AKT3: variants seen among roughly 807,000 people sequenced by gnomAD.
AKT3 encodes the protein RAC-gamma serine/threonine-protein kinase.
Under a neutral mutation model 65.3 loss-of-function variants are expected in AKT3, and 15 were observed. That is an observed-to-expected ratio of 0.23 (90% CI 0.15 to 0.35). The LOEUF is 0.35. Among genes scored for constraint, AKT3 ranks in the 10% least tolerant of loss-of-function variants. AKT3 has a pLI of 1.00. For missense variants in AKT3, 243 were observed against 576.5 expected, an observed-to-expected ratio of 0.42 and a Z score of 5.92; for synonymous variants, 206 against 183.8, an observed-to-expected ratio of 1.12 and a Z score of -0.98.
rs181609488 is a variant in AKT3 at position 243,642,499 on chromosome 1, C to T, written c.429+3394G>A. On this transcript the variant is annotated intron_variant, in intron 5 of 13. Coordinates refer to ENST00000673466, the MANE Select transcript of AKT3 (RefSeq NM_005465.7). ...TAATTTTTTGTATTTTTAGTAGAGA[C>T]GGGGTTTCACCGTGTTAGCCAGGAT... Among the ~76,000 whole-genome samples the T allele has an allele frequency of 5.9e-3, 891 of 152,152 alleles. 5 individuals carry two copies. Among genetic ancestry groups the T allele is most frequent in the East Asian group, 7.5e-3 (39 of 5,168 alleles).
At chr1:243,708,629 TG>T (rs1249438320) in intron 2 of AKT3, among the ~76,000 whole-genome samples, 2 of 152,002 alleles carry the variant, frequency 1.3e-5, no homozygotes, top group African/African-American at 4.8e-5. Flanking sequence ...GGAAAATGCA[TG>T]GAATCATCAG....
At position 243,502,676 on chromosome 1, in the gene AKT3, T is replaced by C. The variant is rs139937615; in HGVS notation, c.*2573A>G. On this transcript the variant is annotated 3_prime_UTR_variant, in exon 14 of 14. Transcript: ENST00000673466. The stretch of plus-strand genomic sequence containing the variant: ...CAGCTGACAGATCTGGAAGTGAAAA[T>C]AGGGGATTCTCAAAATCAAAGCCAA... 845 of 233,126 alleles carry C rather than the reference T, an allele frequency of 3.6e-3. 8 individuals are homozygous for C. Among genetic ancestry groups the C allele is most frequent in the African/African-American group, 0.018 (797 of 45,416 alleles). 14.4% of individuals were successfully genotyped at this position (233,126 alleles called of 1,614,324 possible).
At chr1:243,762,755 T>A in intron 2 of AKT3, among the ~76,000 whole-genome samples, 1 of 152,072 alleles carries the variant, frequency 6.6e-6, no homozygotes, top group East Asian at 1.9e-4. Flanking sequence ...GTACTCACTG[T>A]TCCAGAAACA....
At chr1:243,606,797 G>GTGGGCC (rs1207379771) in intron 8 of AKT3, among the ~76,000 whole-genome samples, 4 of 152,232 alleles carry the variant, frequency 2.6e-5, no homozygotes, top group African/African-American at 9.6e-5. Flanking sequence ...AAACAGTTTT[G>GTGGGCC]TGGGCCAGGG....
At chr1:243,592,331 T>A in intron 8 of AKT3, among the ~76,000 whole-genome samples, 2 of 146,866 alleles carry the variant, frequency 1.4e-5, no homozygotes, top group African/African-American at 5.0e-5. Flanking sequence ...CGAGACTCCG[T>A]CTCAAAAAAA....
intron 12 of AKT3, among the ~76,000 whole-genome samples, chr1:243,530,174 T>C (rs1195193777): frequency 6.6e-6 from 1 of 152,220 alleles, no homozygotes; most frequent in Non-Finnish European, 1.5e-5. Flanking sequence ...TTATGTTAAT[T>C]TGTCAATTTT....
chr1:243,555,587 A>G (rs1444164419), intron 10 of AKT3, among the ~76,000 whole-genome samples: 5 of 152,130 alleles, frequency 3.3e-5, no homozygotes, highest in African/African-American at 4.8e-5. Context: ...TTTTAACTTA[A>G]GGATTGCAAA....
At chr1:243,800,720 GAAA>G (rs147831687) in intron 2 of AKT3, among the ~76,000 whole-genome samples, 1 of 140,302 alleles carries the variant, frequency 7.1e-6, no homozygotes, top group Non-Finnish European at 1.6e-5. Context: ...CAGTCTCGAG[GAAA>G]AAAAAAAAAG....
chr1:243,705,552 C>T (rs1433896542), intron 2 of AKT3, among the ~76,000 whole-genome samples: 2 of 152,076 alleles, frequency 1.3e-5, no homozygotes, highest in African/African-American at 4.8e-5. Context: ...TTCTCTTAAA[C>T]ACAATAACAT....
chr1:243,582,759 G>A (rs920493739), intron 8 of AKT3, among the ~76,000 whole-genome samples: 3 of 152,012 alleles, frequency 2.0e-5, no homozygotes, highest in African/African-American at 7.2e-5. Flanking sequence ...TCACATAACA[G>A]TATTAGCTTT....
At chr1:243,529,935 G>A (rs1295208207) in intron 12 of AKT3, among the ~76,000 whole-genome samples, 1 of 152,100 alleles carries the variant, frequency 6.6e-6, no homozygotes, top group Non-Finnish European at 1.5e-5. Context: ...CCATGAGCAT[G>A]GAATGTTTTT....
In AKT3 at chr1:243,757,766, CT is replaced by C. The variant is rs34770465; in HGVS notation, c.47-62051del. 5.9e-3 allele frequency among the ~76,000 whole-genome samples: 863 copies of C among 147,510 alleles called. 5 individuals are homozygous for C. The highest frequency in any genetic ancestry group is 0.016 in the African/African-American group (636 of 40,370). On this transcript the variant is annotated intron_variant, in intron 2 of 13. Transcript: ENST00000673466. ...TTGATACAGATTTATCTAATTAATA[CT>C]TTTTTTTTTTTCATATGGAATCTTG...
At chr1:243,577,632 G>A (rs568465120) in intron 8 of AKT3, among the ~76,000 whole-genome samples, 8 of 152,170 alleles carry the variant, frequency 5.3e-5, no homozygotes, top group South Asian at 2.1e-4. Context: ...ACATAGGTAC[G>A]GGCAATGTTT....
chr1:243,621,387 C>A (rs1224636545), intron 6 of AKT3, among the ~76,000 whole-genome samples: 3 of 152,164 alleles, frequency 2.0e-5, no homozygotes, highest in Non-Finnish European at 4.4e-5. Flanking sequence ...ATCTCTTCAT[C>A]TTCCTCCTCT....
intron 4 of AKT3, among the ~76,000 whole-genome samples, chr1:243,662,098 A>G (rs1167039872): frequency 8.6e-5 from 13 of 151,322 alleles, no homozygotes; most frequent in East Asian, 3.9e-4. Context: ...ACACTTTTAC[A>G]CTGTTGGTGG....
intron 2 of AKT3, among the ~76,000 whole-genome samples, chr1:243,736,031 CT>C (rs926678663): frequency 1.3e-5 from 2 of 152,130 alleles, no homozygotes; most frequent in Non-Finnish European, 2.9e-5. Flanking sequence ...CTGCCACATA[CT>C]TTTTTTAATC....
chr1:243,848,829 A>G (rs1695625741), intron 1 of AKT3, among the ~76,000 whole-genome samples: 1 of 152,274 alleles, frequency 6.6e-6, no homozygotes, highest in Admixed American at 6.5e-5. Context: ...TTCTATTTGG[A>G]AACTTCATCA....
chr1:243,575,785 C>A (rs1674896444), intron 8 of AKT3, among the ~76,000 whole-genome samples: 2 of 152,054 alleles, frequency 1.3e-5, no homozygotes, highest in South Asian at 4.1e-4. Flanking sequence ...CAAGTTTTAT[C>A]CATTTGTATT....
intron 2 of AKT3, among the ~76,000 whole-genome samples, chr1:243,699,857 A>G (rs1685334276): frequency 6.6e-6 from 1 of 152,024 alleles, no homozygotes; most frequent in Admixed American, 6.6e-5. Context: ...AGTAAACTGA[A>G]CACACAGAGA....
Sources: gnomAD v4.1 joint callset for allele counts (sites outside exome capture counted in the v4.1 genomes callset) on GRCh38, gnomAD v4.1.1 for gene constraint, MANE v1.5 for transcripts, NCBI Gene and HGNC (gene_info 2026-07-23, HGNC 2026-07-21) for gene names.